RPTOR: variants seen among roughly 807,000 people sequenced by gnomAD.
RPTOR encodes regulatory associated protein of MTOR complex 1, also known as regulatory-associated protein of mTOR.
In RPTOR, 21 loss-of-function variants were observed where a neutral mutation model predicts 169.9. That is an observed-to-expected ratio of 0.12 (90% CI 0.09 to 0.18). The LOEUF (loss-of-function observed/expected upper bound fraction) is 0.18. Ranked by LOEUF, RPTOR falls within the 10% of genes least tolerant of loss-of-function variation. The pLI is 1.00. For synonymous variants in RPTOR, 732 were observed against 753.2 expected, an observed-to-expected ratio of 0.97 and a Z score of 0.46; for missense variants, 1,133 against 1,855.9, an observed-to-expected ratio of 0.61 and a Z score of 7.16.
intron 13 of RPTOR, among the ~76,000 whole-genome samples, chr17:80,870,442 C>T (rs1415574388): frequency 1.3e-5 from 2 of 152,226 alleles, no homozygotes; most frequent in African/African-American, 4.8e-5. Flanking sequence ...GTCGTTTCAC[C>T]ACAGTTCGTG....
At chr17:80,874,176 G>T (rs1054166544) in intron 13 of RPTOR, among the ~76,000 whole-genome samples, 1 of 151,870 alleles carries the variant, frequency 6.6e-6, no homozygotes, top group African/African-American at 2.4e-5. Context: ...GTAGACGTGG[G>T]TATGTCTGGC....
At chr17:80,896,318 A>T (rs987003896) in intron 20 of RPTOR, among the ~76,000 whole-genome samples, 5 of 98,756 alleles carry the variant, frequency 5.1e-5, no homozygotes, top group African/African-American at 1.7e-4. Flanking sequence ...CTCCATTCTT[A>T]GCAGCACCCA....
chr17:80,897,896 A>G (rs1446981465), intron 20 of RPTOR, among the ~76,000 whole-genome samples: 1 of 151,784 alleles, frequency 6.6e-6, no homozygotes, highest in Non-Finnish European at 1.5e-5. Flanking sequence ...CCATCTCAAA[A>G]CAAAAACAAA....
intron 31 of RPTOR, among the ~76,000 whole-genome samples, chr17:80,962,247 G>A (rs1362655574): frequency 1.3e-5 from 2 of 152,218 alleles, no homozygotes; most frequent in African/African-American, 2.4e-5. Context: ...GAGCTTGTGG[G>A]GGACAGCCTT....
At chr17:80,841,134 ACGGCAGCTCACTCTCACCG>A (rs2067643232) in intron 10 of RPTOR, among the ~76,000 whole-genome samples, 2 of 104,810 alleles carry the variant, frequency 1.9e-5, no homozygotes, top group African/African-American at 1.1e-4. Flanking sequence ...CACTCACCGC[ACGGCAGCTCACTCTCACCG>A]CACGGCAGCT....
At chr17:80,837,270 A>G (rs538293807) in intron 9 of RPTOR, among the ~76,000 whole-genome samples, 4 of 152,182 alleles carry the variant, frequency 2.6e-5, no homozygotes, top group African/African-American at 7.2e-5. Context: ...GAGACCCCAG[A>G]CTGCAGGGTG....
intron 1 of RPTOR, among the ~76,000 whole-genome samples, chr17:80,549,078 A>G (rs2084314070): frequency 1.3e-5 from 2 of 152,326 alleles, no homozygotes; most frequent in South Asian, 4.1e-4. Context: ...CCAGAGCTAC[A>G]GCCCTTGCCC....
At chr17:80,741,721 C>T (rs1405662144) in intron 5 of RPTOR, among the ~76,000 whole-genome samples, 1 of 152,200 alleles carries the variant, frequency 6.6e-6, no homozygotes, top group Admixed American at 6.5e-5. Context: ...GAGAATGCAT[C>T]AGAAGGTGGT....
intron 5 of RPTOR, among the ~76,000 whole-genome samples, chr17:80,744,937 C>CACTGT (rs2066555432): frequency 3.8e-5 from 5 of 132,068 alleles, no homozygotes; most frequent in Admixed American, 7.7e-5. Flanking sequence ...ACTAGCAGAG[C>CACTGT]CCTGGTTACT....
Position 80,899,510 on chromosome 17 carries a change from G to A in RPTOR, c.2401+5645G>A, listed in dbSNP as rs374531698. Among the ~76,000 whole-genome samples the A allele has an allele frequency of 3.9e-5, 6 of 152,264 alleles. No homozygotes were observed. The East Asian group carries it at 5.8e-4, about 15-fold the overall frequency. On this transcript the variant is annotated intron_variant, in intron 20 of 33. Coordinates refer to ENST00000306801, the MANE Select transcript of RPTOR (RefSeq NM_020761.3). The stretch of plus-strand genomic sequence containing the variant: ...CAGCTCCTGTGAATAGCTCTCTAGC[G>A]CCTCCAGCAGGTTAGTGCCACCTCT...
At chr17:80,840,722 C>T (rs2067630428) in intron 10 of RPTOR, among the ~76,000 whole-genome samples, 1 of 123,644 alleles carries the variant, frequency 8.1e-6, no homozygotes, top group Admixed American at 8.3e-5. Flanking sequence ...CACCACACGG[C>T]AGCTCACTCT....
At chr17:80,858,452 A>G (rs1354943183) in intron 13 of RPTOR, among the ~76,000 whole-genome samples, 1 of 152,208 alleles carries the variant, frequency 6.6e-6, no homozygotes, top group East Asian at 1.9e-4. Flanking sequence ...CCCTGCAGCC[A>G]TGTGTTCGCC....
At chr17:80,743,696 C>T (rs1335504888) in intron 5 of RPTOR, among the ~76,000 whole-genome samples, 11 of 107,610 alleles carry the variant, frequency 1.0e-4, no homozygotes, top group Non-Finnish European at 2.6e-4. Context: ...CTAGCACAGC[C>T]CTGGCTACTA....
intron 6 of RPTOR, among the ~76,000 whole-genome samples, chr17:80,765,215 G>A (rs1018816091): frequency 6.6e-5 from 10 of 152,310 alleles, no homozygotes; most frequent in Admixed American, 1.3e-4. Context: ...GTGGGAGGGG[G>A]CGTCCAGGGC....
chr17:80,784,367 G>A (rs557327336), intron 6 of RPTOR, among the ~76,000 whole-genome samples: 4 of 152,268 alleles, frequency 2.6e-5, no homozygotes, highest in African/African-American at 9.6e-5. Flanking sequence ...AATGCTGAGA[G>A]TTGAAGAAAT....
At chr17:80,827,258 A>G (rs1055819087) in intron 9 of RPTOR, among the ~76,000 whole-genome samples, 1 of 152,240 alleles carries the variant, frequency 6.6e-6, no homozygotes, top group Non-Finnish European at 1.5e-5. Context: ...GAAGGTGGAA[A>G]CAGCACTAGG....
At chr17:80,776,458 G>A (rs1445612562) in intron 6 of RPTOR, among the ~76,000 whole-genome samples, 2 of 151,348 alleles carry the variant, frequency 1.3e-5, no homozygotes, top group African/African-American at 4.9e-5. Flanking sequence ...CAAGTAGCTG[G>A]GACTATAGGT....
At chr17:80,661,266 TAGG>T (rs1039010641) in intron 3 of RPTOR, among the ~76,000 whole-genome samples, 8 of 151,956 alleles carry the variant, frequency 5.3e-5, no homozygotes, top group Non-Finnish European at 8.8e-5. Context: ...GTGGATGGGT[TAGG>T]AGGAGGAGAA....
chr17:80,599,433 GTGGATAACTTGAACATGTTT>G (rs2065169607), intron 1 of RPTOR, among the ~76,000 whole-genome samples: 1 of 152,242 alleles, frequency 6.6e-6, no homozygotes, highest in Non-Finnish European at 1.5e-5. Flanking sequence ...TTAAGCAGCA[GTGGATAACTTGAACATGTTT>G]TGGAAGCTGG....
Sources: gnomAD v4.1 joint callset for allele counts (sites outside exome capture counted in the v4.1 genomes callset) on GRCh38, gnomAD v4.1.1 for gene constraint, MANE v1.5 for transcripts, NCBI Gene and HGNC (gene_info 2026-07-23, HGNC 2026-07-21) for gene names.